Variants in ZNF891 observed in about 807,000 individuals in gnomAD.
ZNF891 encodes the protein hCG1646157.
For synonymous variants in ZNF891, 199 were observed against 209.0 expected (o/e 0.95, Z 0.41); for missense variants, 589 against 632.7 (o/e 0.93, Z 0.74).
intron 1 of ZNF891, among the ~76,000 whole-genome samples, chr12:133,126,900 A>G (rs71439328): frequency 6.6e-6 from 1 of 151,976 alleles, no homozygotes; most frequent in Non-Finnish European, 1.5e-5. Flanking sequence ...GAGCAATTTA[A>G]GGTACCCCAG....
rs1955557636 is a variant in ZNF891, at chr12:133,105,454, T to G, written c.*14830A>C. 1 of 1,477,310 alleles carries G rather than the reference T, an allele frequency of 6.8e-7. No homozygotes were observed. Among genetic ancestry groups the G allele is most frequent in the African/African-American group, 1.4e-5 (1 of 70,700 alleles). 91.5% of individuals were successfully genotyped at this position (1,477,310 alleles called of 1,614,324 possible). A position where few individuals can be genotyped will look rare whatever the true frequency, so the allele number is the denominator to read the frequency against. On this transcript the variant is annotated 3_prime_UTR_variant, in exon 2 of 2. Transcript: ENST00000537226. The stretch of plus-strand genomic sequence containing the variant: ...GTTGCTAAAGAAGGGAGAAATGGCC[T>G]TATTTTATTCAATACAGGAAAAAGA...
chr12:133,110,408 GTT>G lies in ZNF891; in HGVS notation c.*9874_*9875del, dbSNP rs1403193926. 1.3e-5 allele frequency: 2 copies of G among 152,138 alleles called. No homozygotes were observed. Among genetic ancestry groups the G allele is most frequent in the Non-Finnish European group, 2.9e-5 (2 of 68,026 alleles). The allele number at this position is 152,138 out of a possible 1,614,324, so 9.4% of individuals were successfully genotyped here. A position where few individuals can be genotyped will look rare whatever the true frequency, so the allele number is the denominator to read the frequency against. On this transcript the variant is annotated 3_prime_UTR_variant, in exon 2 of 2. Coordinates refer to ENST00000537226, the MANE Select transcript of ZNF891 (RefSeq NM_001277291.2). ...TTTTTTAAAAGAAGTCTCCCAAAAG[GTT>G]ATTAAAACTAATCTTCAGCATTGGA...
At chr12:133,122,379 C>T (rs1224317239) in intron 1 of ZNF891, 2 of 260,106 alleles carry the variant, frequency 7.7e-6, no homozygotes, top group Non-Finnish European at 1.2e-5. Context: ...CTTTTGGGGA[C>T]AGAAAAACAA....
rs1379532256 is a variant in ZNF891 at position 133,118,377 on chromosome 12, T to G, written c.*1907A>C. The G allele has an allele frequency of 6.6e-6, 1 of 152,242 alleles. No homozygotes were observed. The highest frequency in any genetic ancestry group is 1.5e-5 in the Non-Finnish European group (1 of 68,084). 9.4% of individuals were successfully genotyped at this position (152,242 alleles called of 1,614,324 possible). A position where few individuals can be genotyped will look rare whatever the true frequency, so the allele number is the denominator to read the frequency against. On this transcript the variant is annotated 3_prime_UTR_variant, in exon 2 of 2. Transcript: ENST00000537226. ...GGTGGCAGACCTTCCCTTTTCATTC[T>G]TACTCACCTTCCAAAGCCTGTTATT...
Position 133,105,526 on chromosome 12 carries a change from T to A in ZNF891, c.*14758A>T. On this transcript the variant is annotated 3_prime_UTR_variant, in exon 2 of 2. Transcript: ENST00000537226. ...ATCTTTCAGTTTCAGAGTCAAGTGG[T>A]GAGATCAAAGACTTTTCACCAAAAA... 2 of 1,603,468 alleles carry A rather than the reference T, an allele frequency of 1.2e-6. No homozygotes were observed. The highest frequency in any genetic ancestry group is 2.2e-5 in the South Asian group (2 of 89,166).
Position 133,116,920 on chromosome 12 carries a change from T to A in ZNF891, c.*3364A>T, listed in dbSNP as rs1299126773. 3 of 152,170 alleles carry A rather than the reference T, an allele frequency of 2.0e-5. No homozygotes were observed. Among genetic ancestry groups the A allele is most frequent in the Non-Finnish European group, 4.4e-5 (3 of 68,042 alleles). 9.4% of individuals were successfully genotyped at this position (152,170 alleles called of 1,614,324 possible). ...GAAGTGGGATCAGTATCTTCCTTAC[T>A]CCCTAACACTGCTTCTAACCATTGC... On this transcript the variant is annotated 3_prime_UTR_variant, in exon 2 of 2. Coordinates refer to ENST00000537226, the MANE Select transcript of ZNF891 (RefSeq NM_001277291.2).
Position 133,105,867 on chromosome 12 carries a change from C to A in ZNF891, c.*14417G>T. The A allele has an allele frequency of 6.2e-7, 1 of 1,614,088 alleles. No homozygotes were observed. On this transcript the variant is annotated 3_prime_UTR_variant, in exon 2 of 2. Transcript: ENST00000537226. ...TATGCATGTAAGGAATGTGGCAAAACCTTTAGCCAGATTTCAAACCTTGTG... is the reference window on the plus strand; with the variant it reads ...TATGCATGTAAGGAATGTGGCAAAAACTTTAGCCAGATTTCAAACCTTGTG...
chr12:133,124,703 C>G (rs1216617672), intron 1 of ZNF891, among the ~76,000 whole-genome samples: 1 of 146,926 alleles, frequency 6.8e-6, no homozygotes, highest in Non-Finnish European at 1.5e-5. Flanking sequence ...CAACAACAAC[C>G]TAGAATTCAA....
chr12:133,123,481 T>A (rs1955784324), intron 1 of ZNF891, among the ~76,000 whole-genome samples: 1 of 152,072 alleles, frequency 6.6e-6, no homozygotes, highest in Non-Finnish European at 1.5e-5. Context: ...TCCCAGCACT[T>A]TGGGAGACCA....
At position 133,117,271 on chromosome 12, in the gene ZNF891, T is replaced by C. The variant is rs1955720558; in HGVS notation, c.*3013A>G. On this transcript the variant is annotated 3_prime_UTR_variant, in exon 2 of 2. Transcript: ENST00000537226. ...AATGGCATCAAGGCTACAAAGAGGT[T>C]GGGATAAGTAGTTTTGTAGCTAAAT... The C allele has an allele frequency of 6.6e-6, 1 of 152,224 alleles. No homozygotes were observed. The highest frequency in any genetic ancestry group is 2.4e-5 in the African/African-American group (1 of 41,452). 9.4% of individuals were successfully genotyped at this position (152,224 alleles called of 1,614,324 possible). A position where few individuals can be genotyped will look rare whatever the true frequency, so the allele number is the denominator to read the frequency against.
Position 133,114,207 on chromosome 12 carries a change from GAGA to G in ZNF891, c.*6074_*6076del, listed in dbSNP as rs1307001518. ...TGGTGAGTGGGATGAGGGAAGAGAG[GAGA>G]AGGACTAGGAGAGGGACATAATATA... is the stretch of plus-strand genomic sequence containing the variant. On this transcript the variant is annotated 3_prime_UTR_variant, in exon 2 of 2. Coordinates refer to ENST00000537226, the MANE Select transcript of ZNF891 (RefSeq NM_001277291.2). 5.3e-5 allele frequency: 8 copies of G among 152,108 alleles called. No homozygotes were observed. The highest frequency in any genetic ancestry group is 1.9e-4 in the African/African-American group (8 of 41,428). 9.4% of individuals were successfully genotyped at this position (152,108 alleles called of 1,614,324 possible).
chr12:133,113,573 T>C lies in ZNF891; in HGVS notation c.*6711A>G, dbSNP rs551040624. 2 of 152,350 alleles carry C rather than the reference T, an allele frequency of 1.3e-5. No homozygotes were observed. Among genetic ancestry groups the C allele is most frequent in the South Asian group, 4.1e-4 (2 of 4,828 alleles). 9.4% of individuals were successfully genotyped at this position (152,350 alleles called of 1,614,324 possible). Reference sequence around the variant, plus strand: ...GGGAATTTAGGAATTTTCCAGTTTTTCACTAGGGCATGAAACAGGTGAATA... The same window carrying C: ...GGGAATTTAGGAATTTTCCAGTTTTCCACTAGGGCATGAAACAGGTGAATA... On this transcript the variant is annotated 3_prime_UTR_variant, in exon 2 of 2. Coordinates refer to ENST00000537226, the MANE Select transcript of ZNF891 (RefSeq NM_001277291.2).
At chr12:133,126,969 C>CTTT (rs543463648) in intron 1 of ZNF891, among the ~76,000 whole-genome samples, 10 of 88,682 alleles carry the variant, frequency 1.1e-4, no homozygotes, top group Middle Eastern at 7.0e-3. Flanking sequence ...TACAGGAAAA[C>CTTT]TTTTTTTTTT....
Position 133,108,908 on chromosome 12 carries a change from T to A in ZNF891, c.*11376A>T, listed in dbSNP as rs1040604313. The A allele has an allele frequency of 2.0e-5, 3 of 152,236 alleles. No individual in the cohort carries two copies. Among genetic ancestry groups the A allele is most frequent in the East Asian group, 1.9e-4 (1 of 5,198 alleles). 9.4% of individuals were successfully genotyped at this position (152,236 alleles called of 1,614,324 possible). A position where few individuals can be genotyped will look rare whatever the true frequency, so the allele number is the denominator to read the frequency against. ...CCATTGTAATAAGTGTAGCAAAATC[T>A]TCTTAGATATCTGAAAAGTCATACT... On this transcript the variant is annotated 3_prime_UTR_variant, in exon 2 of 2. Coordinates refer to ENST00000537226, the MANE Select transcript of ZNF891 (RefSeq NM_001277291.2).
chr12:133,105,816 A>G lies in ZNF891; in HGVS notation c.*14468T>C. 1.2e-6 allele frequency: 2 copies of G among 1,614,220 alleles called. No homozygotes were observed. The highest frequency in any genetic ancestry group is 1.7e-6 in the Non-Finnish European group (2 of 1,180,050). ...CGACGCTTTTCCCTGGTGTTACACC[A>G]GAGGACTCATACTGGAGAGAAACCA... On this transcript the variant is annotated 3_prime_UTR_variant, in exon 2 of 2. Transcript: ENST00000537226.
rs551989966 is a variant in ZNF891 at position 133,118,504 on chromosome 12, T to C, written c.*1780A>G. On this transcript the variant is annotated 3_prime_UTR_variant, in exon 2 of 2. Coordinates refer to ENST00000537226, the MANE Select transcript of ZNF891 (RefSeq NM_001277291.2). ...TTCATCTGGATGTCTCACCATCCTCTGAGGCTAACATGAATAACTACAACA... is the reference window on the plus strand; with the variant it reads ...TTCATCTGGATGTCTCACCATCCTCCGAGGCTAACATGAATAACTACAACA... The C allele has an allele frequency of 1.3e-5, 2 of 152,376 alleles. No homozygotes were observed. Among genetic ancestry groups the C allele is most frequent in the East Asian group, 3.9e-4 (2 of 5,184 alleles). The allele number at this position is 152,376 out of a possible 1,614,324, so 9.4% of individuals were successfully genotyped here.
Position 133,108,693 on chromosome 12 carries a change from G to C in ZNF891, c.*11591C>G, listed in dbSNP as rs1361263393. 1 of 152,106 alleles carries C rather than the reference G, an allele frequency of 6.6e-6. No homozygotes were observed. 9.4% of individuals were successfully genotyped at this position (152,106 alleles called of 1,614,324 possible). A position where few individuals can be genotyped will look rare whatever the true frequency, so the allele number is the denominator to read the frequency against. On this transcript the variant is annotated 3_prime_UTR_variant, in exon 2 of 2. Coordinates refer to ENST00000537226, the MANE Select transcript of ZNF891 (RefSeq NM_001277291.2). ...GTTGAGTGCAGCCAACATTGAGAAC[G>C]TTTACTTTGGAGCAATCTCCAATTA...
rs1425172749 is a variant in ZNF891, at chr12:133,107,898, A to C, written c.*12386T>G. 6.6e-6 allele frequency: 1 copy of C among 152,230 alleles called. No homozygotes were observed. The highest frequency in any genetic ancestry group is 1.5e-5 in the Non-Finnish European group (1 of 68,036). The allele number at this position is 152,230 out of a possible 1,614,324, so 9.4% of individuals were successfully genotyped here. A position where few individuals can be genotyped will look rare whatever the true frequency, so the allele number is the denominator to read the frequency against. On this transcript the variant is annotated 3_prime_UTR_variant, in exon 2 of 2. Coordinates refer to ENST00000537226, the MANE Select transcript of ZNF891 (RefSeq NM_001277291.2). ...TAGTGAGCATTAATGTAATGGCTGC[A>C]TTGAGGGCACATTTGTAGGAGGTGT...
intron 1 of ZNF891, among the ~76,000 whole-genome samples, chr12:133,125,250 T>G (rs1297450809): frequency 1.3e-5 from 2 of 152,180 alleles, no homozygotes; most frequent in Non-Finnish European, 2.9e-5. Context: ...TCCTCCACCT[T>G]AGCCTCTGGC....
Sources: gnomAD v4.1 joint callset for allele counts (sites outside exome capture counted in the v4.1 genomes callset) on GRCh38, gnomAD v4.1.1 for gene constraint, MANE v1.5 for transcripts, NCBI Gene and HGNC (gene_info 2026-07-23, HGNC 2026-07-21) for gene names.